Variants in MAP7 observed in about 807,000 individuals in gnomAD.
MAP7 encodes ensconsin.
In MAP7, 52 loss-of-function variants were observed where a neutral mutation model predicts 94.8. The ratio of observed to expected loss-of-function variants is 0.55; its 90% CI spans 0.44 to 0.69. The LOEUF (loss-of-function observed/expected upper bound fraction) is 0.69, where lower values mean the gene tolerates loss of function less well. MAP7 is among the 30% of genes least tolerant of loss of function. MAP7 has a pLI of 0.00. For missense variants in MAP7, 940 were observed against 964.6 expected (o/e 0.97, Z 0.34); for synonymous variants, 350 against 357.0 (o/e 0.98, Z 0.22).
intron 1 of MAP7, among the ~76,000 whole-genome samples, chr6:136,544,328 C>T (rs969361888): frequency 6.6e-6 from 1 of 152,192 alleles, no homozygotes; most frequent in African/African-American, 2.4e-5. Flanking sequence ...ATTAAATTGG[C>T]TACCTTTCTT....
At chr6:136,424,839 T>G (rs1427812204) in intron 1 of MAP7, among the ~76,000 whole-genome samples, 2 of 152,230 alleles carry the variant, frequency 1.3e-5, no homozygotes, top group Non-Finnish European at 2.9e-5. Flanking sequence ...TAAATCTCAC[T>G]GAATAATATG....
intron 1 of MAP7, among the ~76,000 whole-genome samples, chr6:136,549,360 A>G (rs1283727268): frequency 6.6e-6 from 1 of 152,196 alleles, no homozygotes; most frequent in Non-Finnish European, 1.5e-5. Context: ...GAAGATATAG[A>G]AACAGCTTAC....
intron 1 of MAP7, among the ~76,000 whole-genome samples, chr6:136,546,378 C>T (rs1197107605): frequency 1.3e-5 from 2 of 150,004 alleles, no homozygotes; most frequent in African/African-American, 4.9e-5. Context: ...ACCCCCACTA[C>T]TCTTCTCAGC....
At position 136,416,663 on chromosome 6, in the gene MAP7, A is replaced by G. The variant is rs57131586; in HGVS notation, c.167-4966T>C. Among the ~76,000 whole-genome samples the G allele has an allele frequency of 3.4e-3, 525 of 152,244 alleles. 2 individuals are homozygous for G. Among genetic ancestry groups the G allele is most frequent in the African/African-American group, 0.012 (497 of 41,546 alleles). On this transcript the variant is annotated intron_variant, in intron 2 of 17. Coordinates refer to ENST00000354570, the MANE Select transcript of MAP7 (RefSeq NM_003980.6). ...TCTACTAAAAATACAAAAGTTAGCC[A>G]GGCACAGTGGTGCACGCCTGTTATC...
At position 136,365,887 on chromosome 6, in the gene MAP7, C is replaced by G. The variant is rs1337506112; in HGVS notation, c.1121G>C (p.Arg374Thr). 6.2e-7 allele frequency: 1 copy of G among 1,614,160 alleles called. No homozygotes were observed. Among genetic ancestry groups the G allele is most frequent in the Non-Finnish European group, 8.5e-7 (1 of 1,180,032 alleles). Residue 374 changes from arginine to threonine, a missense_variant, in exon 10 of 18, where the codon AGG becomes ACG. Coordinates refer to ENST00000354570, the MANE Select transcript of MAP7 (RefSeq NM_003980.6). ...CTTCTCAGGCTCCACTTTGACTTCC[C>G]TCTTGACAGGGCGGATGTTGCCGGG... Reference protein sequence around the residue: ...PSPGNIRPVKREVKVEPEKKD... With the variant: ...PSPGNIRPVKTEVKVEPEKKD...
At chr6:136,370,270 T>C (rs1276318475) in intron 8 of MAP7, among the ~76,000 whole-genome samples, 1 of 152,182 alleles carries the variant, frequency 6.6e-6, no homozygotes, top group Non-Finnish European at 1.5e-5. Flanking sequence ...AAGATCACGA[T>C]TGTTGGCGAG....
At chr6:136,413,225 C>T (rs533668318) in intron 2 of MAP7, among the ~76,000 whole-genome samples, 1 of 152,124 alleles carries the variant, frequency 6.6e-6, no homozygotes, top group East Asian at 1.9e-4. Context: ...TGGGAATCTA[C>T]TATAATAATA....
At chr6:136,420,341 C>T in intron 2 of MAP7, 2 of 665,578 alleles carry the variant, frequency 3.0e-6, no homozygotes, top group South Asian at 3.3e-5. Context: ...GCCCTGCGTG[C>T]CCAGCCCGGC....
At chr6:136,388,700 C>T (rs1281566269) in intron 4 of MAP7, among the ~76,000 whole-genome samples, 190 bp from the exon 5 acceptor site, 1 of 152,140 alleles carries the variant, frequency 6.6e-6, no homozygotes, top group African/African-American at 2.4e-5. Flanking sequence ...CATTAGGTCC[C>T]AGTTCATAAA....
intron 1 of MAP7, among the ~76,000 whole-genome samples, chr6:136,433,554 G>A (rs1239147587): frequency 5.9e-5 from 9 of 152,168 alleles, no homozygotes; most frequent in Admixed American, 3.3e-4. Flanking sequence ...GGTACATAGC[G>A]TAACAGTGAA....
intron 1 of MAP7, among the ~76,000 whole-genome samples, chr6:136,524,817 T>G (rs1827384390): frequency 6.6e-6 from 1 of 152,238 alleles, no homozygotes; most frequent in African/African-American, 2.4e-5. Context: ...AATATTTGCT[T>G]TCTACTTTGT....
chr6:136,505,511 T>TA (rs962316198), intron 1 of MAP7, among the ~76,000 whole-genome samples: 6 of 151,528 alleles, frequency 4.0e-5, no homozygotes, highest in Non-Finnish European at 8.8e-5. Context: ...TAAGTTCCAA[T>TA]AAAAATATTT....
chr6:136,463,917 T>C (rs1806066064), intron 1 of MAP7, among the ~76,000 whole-genome samples: 2 of 152,334 alleles, frequency 1.3e-5, no homozygotes, highest in South Asian at 4.2e-4. Context: ...TAACAAGATT[T>C]GTAGCTTCTA....
chr6:136,392,512 C>A (rs1436491312), intron 3 of MAP7, among the ~76,000 whole-genome samples: 1 of 149,422 alleles, frequency 6.7e-6, no homozygotes, highest in Non-Finnish European at 1.5e-5. Context: ...ATATACTATA[C>A]CTTATTTTAT....
At chr6:136,422,571 G>A (rs550924747) in intron 1 of MAP7, among the ~76,000 whole-genome samples, 1 of 152,252 alleles carries the variant, frequency 6.6e-6, no homozygotes, top group East Asian at 1.9e-4. Flanking sequence ...TTCCATCCCA[G>A]AAGACCTTCT....
chr6:136,434,074 G>A (rs1795685076), intron 1 of MAP7, among the ~76,000 whole-genome samples: 1 of 152,098 alleles, frequency 6.6e-6, no homozygotes, highest in Non-Finnish European at 1.5e-5. Flanking sequence ...TGGGGTGCCA[G>A]GGCGAGTGGA....
intron 7 of MAP7, among the ~76,000 whole-genome samples, chr6:136,374,950 C>G (rs1022726900): frequency 6.6e-6 from 1 of 151,988 alleles, no homozygotes; most frequent in Non-Finnish European, 1.5e-5. Context: ...TCCCAGAGTA[C>G]ACTTCATATC....
rs77642419 is a variant in MAP7 at position 136,410,534 on chromosome 6, A to G, written c.244+1086T>C. 4.6e-3 allele frequency among the ~76,000 whole-genome samples: 706 copies of G among 152,352 alleles called. 2 individuals carry two copies. The highest frequency in any genetic ancestry group is 7.9e-3 in the Non-Finnish European group (537 of 68,040). On this transcript the variant is annotated intron_variant, in intron 3 of 17. Transcript: ENST00000354570. ...GGGAACCCATCAGGCCAGGGAGGAA[A>G]CTCTAGGCACAGAAAAACAGCAGAG...
intron 1 of MAP7, among the ~76,000 whole-genome samples, chr6:136,461,715 G>A (rs556707121): frequency 2.6e-5 from 4 of 152,092 alleles, no homozygotes; most frequent in Admixed American, 2.6e-4. Context: ...ATGCCTTTAA[G>A]GACTGTTTGG....
Sources: gnomAD v4.1 joint callset for allele counts (sites outside exome capture counted in the v4.1 genomes callset) on GRCh38, gnomAD v4.1.1 for gene constraint, MANE v1.5 for transcripts, NCBI Gene and HGNC (gene_info 2026-07-23, HGNC 2026-07-21) for gene names.